Variants in COG5 observed in about 807,000 individuals in gnomAD.
The protein encoded by COG5 is conserved oligomeric Golgi complex subunit 5.
Under a neutral mutation model 110.4 loss-of-function variants are expected in COG5, and 86 were observed. That is an observed-to-expected ratio of 0.78 (90% CI 0.65 to 0.93). COG5 has a LOEUF of 0.93. Among genes scored for constraint, COG5 ranks in the 40% least tolerant of loss-of-function variants. The probability of loss-of-function intolerance (pLI) is 0.00; values close to 1 mark genes in which losing one functional copy is unlikely to be tolerated. For synonymous variants in COG5, 360 were observed against 334.6 expected (o/e 1.08, Z -0.83); for missense variants, 1,077 against 987.0 (o/e 1.09, Z -1.22).
intron 6 of COG5, among the ~76,000 whole-genome samples, chr7:107,510,070 G>A (rs1584913856): frequency 1.3e-5 from 2 of 151,958 alleles, no homozygotes; most frequent in African/African-American, 4.8e-5. Context: ...AAATGTAAAT[G>A]GGCTAAATGC....
At chr7:107,344,694 T>C (rs569034565) in intron 10 of COG5, among the ~76,000 whole-genome samples, 4 of 152,066 alleles carry the variant, frequency 2.6e-5, no homozygotes, top group Non-Finnish European at 5.9e-5. Context: ...CTGGTTAATT[T>C]TGTATTTTTC....
chr7:107,396,205 G>C (rs545716325), intron 7 of COG5, among the ~76,000 whole-genome samples: 1 of 152,082 alleles, frequency 6.6e-6, no homozygotes, highest in South Asian at 2.1e-4. Context: ...AAGGAAAAGA[G>C]AATCACATTA....
chr7:107,267,461 A>T (rs1803893379), intron 14 of COG5, among the ~76,000 whole-genome samples: 1 of 152,188 alleles, frequency 6.6e-6, no homozygotes, highest in Admixed American at 6.5e-5. Flanking sequence ...AAGTCTGCAT[A>T]TTTTTAATTA....
intron 19 of COG5, among the ~76,000 whole-genome samples, chr7:107,214,449 T>C (rs951904787): frequency 3.9e-5 from 6 of 152,190 alleles, no homozygotes; most frequent in African/African-American, 7.2e-5. Flanking sequence ...GGCCTGCCTA[T>C]TGAAATTGCT....
chr7:107,360,521 G>A (rs1271559309), intron 10 of COG5, among the ~76,000 whole-genome samples: 4 of 152,324 alleles, frequency 2.6e-5, no homozygotes, highest in African/African-American at 7.2e-5. Context: ...GATGCACCCC[G>A]AGCCAGGGTT....
chr7:107,449,761 G>A (rs546623057), intron 6 of COG5, among the ~76,000 whole-genome samples: 4 of 152,168 alleles, frequency 2.6e-5, no homozygotes, highest in South Asian at 4.1e-4. Context: ...AAATGAATCC[G>A]GCATAAGGAC....
chr7:107,509,285 G>GA (rs1436442073), intron 6 of COG5, among the ~76,000 whole-genome samples: 1 of 152,204 alleles, frequency 6.6e-6, no homozygotes, highest in Non-Finnish European at 1.5e-5. Flanking sequence ...TCAACTGGAA[G>GA]AAAGGGTACC....
intron 10 of COG5, among the ~76,000 whole-genome samples, chr7:107,343,018 C>A (rs1352005626): frequency 6.6e-6 from 1 of 152,122 alleles, no homozygotes; most frequent in Non-Finnish European, 1.5e-5. Flanking sequence ...ATGTAAACAC[C>A]ATGGAATACT....
chr7:107,539,681 C>T (rs1257455846), intron 5 of COG5, among the ~76,000 whole-genome samples: 1 of 151,952 alleles, frequency 6.6e-6, no homozygotes, highest in Non-Finnish European at 1.5e-5. Flanking sequence ...ATAGTAAAAA[C>T]CCCTAAACTG....
chr7:107,436,397 T>A (rs185396640), intron 6 of COG5, among the ~76,000 whole-genome samples: 1 of 151,512 alleles, frequency 6.6e-6, no homozygotes, highest in Admixed American at 6.6e-5. Flanking sequence ...GTACCTGGAG[T>A]AGTTAAAATC....
intron 7 of COG5, among the ~76,000 whole-genome samples, chr7:107,411,412 T>C (rs191154089): frequency 2.0e-5 from 3 of 152,232 alleles, no homozygotes; most frequent in African/African-American, 4.8e-5. Flanking sequence ...TAAAACATAA[T>C]TGACCAAACA....
At chr7:107,270,080 A>T (rs1804121223) in intron 14 of COG5, among the ~76,000 whole-genome samples, 1 of 152,182 alleles carries the variant, frequency 6.6e-6, no homozygotes, top group Non-Finnish European at 1.5e-5. Context: ...CTGCCTTTTT[A>T]GGCACTTGGA....
intron 10 of COG5, among the ~76,000 whole-genome samples, chr7:107,329,867 C>A (rs895932590): frequency 1.3e-5 from 2 of 152,104 alleles, no homozygotes; most frequent in Non-Finnish European, 2.9e-5. Context: ...TGCAATCCAG[C>A]CTGGATGACA....
At chr7:107,416,600 C>T (rs968517073) in intron 6 of COG5, among the ~76,000 whole-genome samples, 2 of 151,860 alleles carry the variant, frequency 1.3e-5, no homozygotes, top group Non-Finnish European at 2.9e-5. Context: ...TTATATTTTC[C>T]CATTAAAAAC....
chr7:107,546,319 A>G (rs761893402), intron 5 of COG5, among the ~76,000 whole-genome samples: 1 of 152,138 alleles, frequency 6.6e-6, no homozygotes, highest in Non-Finnish European at 1.5e-5. Context: ...AAGAACAAAC[A>G]AAGCCCAAAG....
At chr7:107,322,106 A>T (rs1333536364) in intron 11 of COG5, among the ~76,000 whole-genome samples, 1 of 152,200 alleles carries the variant, frequency 6.6e-6, no homozygotes, top group African/African-American at 2.4e-5. Flanking sequence ...AGCCTGTGAA[A>T]ATGTGGTCAA....
At chr7:107,523,798 A>G (rs902129813) in intron 6 of COG5, among the ~76,000 whole-genome samples, 3 of 152,166 alleles carry the variant, frequency 2.0e-5, no homozygotes, top group African/African-American at 7.2e-5. Flanking sequence ...CTGGGCAACA[A>G]CAGCAAAACT....
chr7:107,398,290 A>G (rs1004670345), intron 7 of COG5, among the ~76,000 whole-genome samples: 4 of 152,228 alleles, frequency 2.6e-5, no homozygotes, highest in Non-Finnish European at 5.9e-5. Context: ...ACAATGGACT[A>G]TTTATACATA....
intron 6 of COG5, among the ~76,000 whole-genome samples, chr7:107,436,350 C>CAACA (rs1168067521): frequency 6.6e-6 from 1 of 152,136 alleles, no homozygotes; most frequent in African/African-American, 2.4e-5. Context: ...ATAAGCTAGT[C>CAACA]AACAAACAAA....
Sources: allele counts gnomAD v4.1 joint callset (sites outside exome capture counted in the v4.1 genomes callset), GRCh38; gene constraint gnomAD v4.1.1; transcripts MANE v1.5; gene names NCBI Gene and HGNC (gene_info 2026-07-23, HGNC 2026-07-21).